The following FOXP2 variants were observed in gnomAD, a reference collection of about 807,000 sequenced individuals.
The protein encoded by FOXP2 is forkhead box P2, also known as forkhead box protein P2.
A neutral mutation model predicts 115.8 loss-of-function variants in FOXP2; 12 were observed. That is an observed-to-expected ratio of 0.10 (90% CI 0.07 to 0.17). The LOEUF is 0.17. Ranked by LOEUF, FOXP2 falls within the 10% of genes least tolerant of loss-of-function variation. The pLI, the probability that FOXP2 is intolerant of heterozygous loss-of-function variation, is 1.00. For missense variants in FOXP2, 629 were observed against 843.5 expected, an observed-to-expected ratio of 0.75 and a Z score of 3.15; for synonymous variants, 328 against 297.7, an observed-to-expected ratio of 1.10 and a Z score of -1.05.
chr7:114,183,347 A>G (rs1793507163), intron 1 of FOXP2, among the ~76,000 whole-genome samples: 1 of 152,152 alleles, frequency 6.6e-6, no homozygotes, highest in Admixed American at 6.6e-5. Context: ...ACTGCTGACT[A>G]TTAAACTGTC....
intron 2 of FOXP2, among the ~76,000 whole-genome samples, chr7:114,349,194 A>G (rs1202241482): frequency 2.0e-5 from 3 of 152,158 alleles, no homozygotes; most frequent in Admixed American, 2.0e-4. Flanking sequence ...ACTAAGAACC[A>G]TTTGAAGCAA....
intron 2 of FOXP2, among the ~76,000 whole-genome samples, chr7:114,378,511 T>A (rs2129191053): frequency 6.6e-6 from 1 of 151,316 alleles, no homozygotes; most frequent in South Asian, 2.1e-4. Flanking sequence ...TAAGGAGACC[T>A]TCTCTCTACA....
intron 1 of FOXP2, among the ~76,000 whole-genome samples, chr7:114,232,892 T>C (rs1392349752): frequency 6.6e-6 from 1 of 152,108 alleles, no homozygotes; most frequent in East Asian, 1.9e-4. Flanking sequence ...GAGATCATTA[T>C]GCTAAATGAA....
At chr7:114,622,873 G>A (rs1804330245) in intron 3 of FOXP2, among the ~76,000 whole-genome samples, 1 of 151,890 alleles carries the variant, frequency 6.6e-6, no homozygotes, top group Admixed American at 6.6e-5. Flanking sequence ...CAGAAAAGTA[G>A]TCTCCCAGTA....
intron 1 of FOXP2, among the ~76,000 whole-genome samples, chr7:114,230,815 C>T (rs1486323845): frequency 6.6e-6 from 1 of 151,768 alleles, no homozygotes; most frequent in Non-Finnish European, 1.5e-5. Flanking sequence ...AGGAACAAGA[C>T]AAGAACATTC....
At chr7:114,470,464 G>A (rs1795997074) in intron 2 of FOXP2, among the ~76,000 whole-genome samples, 1 of 151,860 alleles carries the variant, frequency 6.6e-6, no homozygotes, top group Non-Finnish European at 1.5e-5. Context: ...TATTTGTGTG[G>A]TTATTTTATT....
chr7:114,398,163 T>C (rs1381332398), intron 2 of FOXP2, among the ~76,000 whole-genome samples: 2 of 152,120 alleles, frequency 1.3e-5, no homozygotes, highest in East Asian at 1.9e-4. Flanking sequence ...AGATTTTCAA[T>C]AAGTCTTGAG....
intron 1 of FOXP2, among the ~76,000 whole-genome samples, chr7:114,174,063 C>A (rs1355321750): frequency 6.6e-6 from 1 of 151,902 alleles, no homozygotes; most frequent in African/African-American, 2.4e-5. Flanking sequence ...AAATACCTGA[C>A]ACATAGCTGG....
intron 2 of FOXP2, among the ~76,000 whole-genome samples, chr7:114,340,480 A>G (rs1189054591): frequency 6.6e-6 from 1 of 151,138 alleles, no homozygotes; most frequent in Non-Finnish European, 1.5e-5. Flanking sequence ...TATTTGCCAT[A>G]TATTTTGTTA....
At chr7:114,412,264 A>G (rs572907936), upstream of FOXP2, among the ~76,000 whole-genome samples, 3 of 152,230 alleles carry the variant, frequency 2.0e-5, no homozygotes, top group Non-Finnish European at 4.4e-5. Context: ...ATAGGGTTAT[A>G]AAATGAAAGG....
At chr7:114,530,561 T>C (rs1799095148) in intron 2 of FOXP2, among the ~76,000 whole-genome samples, 1 of 151,990 alleles carries the variant, frequency 6.6e-6, no homozygotes, top group Non-Finnish European at 1.5e-5. Context: ...CTTAGCATAC[T>C]CAACATTTTT....
chr7:114,106,240 A>G (rs371556905), intron 1 of FOXP2, among the ~76,000 whole-genome samples: 6 of 152,164 alleles, frequency 3.9e-5, no homozygotes, highest in Non-Finnish European at 5.9e-5. Flanking sequence ...TAGTATTTTT[A>G]TATGAATTTA....
intron 2 of FOXP2, among the ~76,000 whole-genome samples, chr7:114,434,645 CT>C (rs1400724373): frequency 1.3e-5 from 2 of 151,790 alleles, no homozygotes; most frequent in African/African-American, 4.8e-5. Flanking sequence ...TCTAATTCTC[CT>C]TTTCTTATAG....
chr7:114,645,422 T>C (rs1805834203), intron 8 of FOXP2: 1 of 151,688 alleles, frequency 6.6e-6, no homozygotes, highest in Admixed American at 6.6e-5. Flanking sequence ...AAACCAAAAC[T>C]TTGTGTATTC....
intron 10 of FOXP2, chr7:114,656,408 G>A (rs530353671): frequency 1.7e-4 from 56 of 333,854 alleles, no homozygotes; most frequent in Admixed American, 4.2e-4. Flanking sequence ...ATATAACATT[G>A]TTATGTATAT....
At chr7:114,156,235 G>A (rs1168094962) in intron 1 of FOXP2, among the ~76,000 whole-genome samples, 1 of 152,012 alleles carries the variant, frequency 6.6e-6, no homozygotes, top group African/African-American at 2.4e-5. Context: ...TTTTTTTACA[G>A]AGACAGTTAA....
chr7:114,187,923 C>CT (rs1268001556), intron 1 of FOXP2, among the ~76,000 whole-genome samples: 2 of 152,200 alleles, frequency 1.3e-5, no homozygotes, highest in East Asian at 3.9e-4. Context: ...TAAACTCACC[C>CT]TTTTTTAATA....
At chr7:114,677,933 G>T (rs182740154) in intron 16 of FOXP2, among the ~76,000 whole-genome samples, 5 of 152,346 alleles carry the variant, frequency 3.3e-5, no homozygotes, top group Admixed American at 2.6e-4. Context: ...AACTGTGGCA[G>T]ATGATCAGTG....
chr7:114,151,605 T>A (rs1792530835), intron 1 of FOXP2, among the ~76,000 whole-genome samples: 1 of 152,124 alleles, frequency 6.6e-6, no homozygotes, highest in South Asian at 2.1e-4. Context: ...TGCCATGTTC[T>A]TTTATTTATA....
Sources: allele counts gnomAD v4.1 joint callset (sites outside exome capture counted in the v4.1 genomes callset), GRCh38; gene constraint gnomAD v4.1.1; transcripts MANE v1.5; gene names NCBI Gene and HGNC (gene_info 2026-07-23, HGNC 2026-07-21).